ZRANB3: variants seen among roughly 807,000 people sequenced by gnomAD.
The protein encoded by ZRANB3 is DNA annealing helicase and endonuclease ZRANB3.
In ZRANB3, 125 loss-of-function variants were observed where a neutral mutation model predicts 133.8. The observed-to-expected ratio is 0.93, with a 90% CI of 0.81 to 1.08. ZRANB3 has a LOEUF of 1.08. Ranked by LOEUF, ZRANB3 falls within the 50% of genes least tolerant of loss-of-function variation. The pLI is 0.00. For synonymous variants in ZRANB3, 387 were observed against 432.7 expected (o/e 0.89, Z 1.31); for missense variants, 1,229 against 1,275.5 (o/e 0.96, Z 0.56).
chr2:135,334,145 T>C (rs1188060710), intron 6 of ZRANB3, among the ~76,000 whole-genome samples: 2 of 152,192 alleles, frequency 1.3e-5, no homozygotes, highest in African/African-American at 2.4e-5. Flanking sequence ...CTCTAATGCA[T>C]ATCTGATGGC....
chr2:135,370,106 G>T (rs1573988775), intron 3 of ZRANB3, among the ~76,000 whole-genome samples: 1 of 140,376 alleles, frequency 7.1e-6, no homozygotes, highest in Non-Finnish European at 1.5e-5. Context: ...CTATAATTTT[G>T]TGTGTTTTGA....
chr2:135,385,391 A>C (rs1686920212), intron 3 of ZRANB3, among the ~76,000 whole-genome samples: 1 of 152,214 alleles, frequency 6.6e-6, no homozygotes, highest in Non-Finnish European at 1.5e-5. Flanking sequence ...AGGAAGAATC[A>C]ATATTGTGAA....
intron 8 of ZRANB3, among the ~76,000 whole-genome samples, chr2:135,278,949 C>T (rs2104778939): frequency 6.6e-6 from 1 of 151,918 alleles, no homozygotes; most frequent in South Asian, 2.1e-4. Context: ...GAGAGTGGGG[C>T]AATAGGGGAC....
chr2:135,518,870 C>T (rs910546885), intron 1 of ZRANB3, among the ~76,000 whole-genome samples: 1 of 152,102 alleles, frequency 6.6e-6, no homozygotes, highest in African/African-American at 2.4e-5. Flanking sequence ...ATGTTATTTC[C>T]TTGTTTGCTT....
At chr2:135,493,963 G>C (rs139083970) in intron 2 of ZRANB3, among the ~76,000 whole-genome samples, 1,591 of 152,240 alleles carry the variant, frequency 0.01, 26 homozygotes, top group African/African-American at 0.036. Flanking sequence ...TATTGAGTGA[G>C]AGAAGATCCA....
At chr2:135,406,278 G>A (rs1246419976) in intron 2 of ZRANB3, among the ~76,000 whole-genome samples, 1 of 152,134 alleles carries the variant, frequency 6.6e-6, no homozygotes, top group Non-Finnish European at 1.5e-5. Flanking sequence ...CCAGGAAGAA[G>A]TTGAATCTCT....
At chr2:135,226,625 T>C (rs1694770964) in intron 14 of ZRANB3, among the ~76,000 whole-genome samples, 1 of 152,204 alleles carries the variant, frequency 6.6e-6, no homozygotes, top group Non-Finnish European at 1.5e-5. Context: ...CAAGCTAACA[T>C]GTTTTTATCA....
intron 12 of ZRANB3, among the ~76,000 whole-genome samples, chr2:135,233,631 C>T (rs1573724988): frequency 6.6e-6 from 1 of 152,008 alleles, no homozygotes; most frequent in Non-Finnish European, 1.5e-5. Flanking sequence ...ACAGTGGGGG[C>T]CAATATTCAA....
chr2:135,306,992 C>T (rs1682739343), intron 8 of ZRANB3, among the ~76,000 whole-genome samples: 1 of 152,190 alleles, frequency 6.6e-6, no homozygotes, highest in African/African-American at 2.4e-5. Flanking sequence ...TCTCAAACTG[C>T]TGGCATTACA....
chr2:135,371,419 G>T (rs1363430677), intron 3 of ZRANB3, among the ~76,000 whole-genome samples: 2 of 152,124 alleles, frequency 1.3e-5, no homozygotes, highest in African/African-American at 4.8e-5. Flanking sequence ...AATTCCAGGA[G>T]GATGCTTTGT....
chr2:135,223,199 C>T (rs533982565), intron 15 of ZRANB3, among the ~76,000 whole-genome samples: 4 of 150,562 alleles, frequency 2.7e-5, no homozygotes, highest in African/African-American at 4.9e-5. Context: ...TGCAGTGAGC[C>T]GAGATTGCAC....
chr2:135,483,449 G>C (rs1314926231), intron 2 of ZRANB3, among the ~76,000 whole-genome samples: 1 of 152,028 alleles, frequency 6.6e-6, no homozygotes, highest in Non-Finnish European at 1.5e-5. Flanking sequence ...TATTTCTGTG[G>C]GATCAGTGGT....
At chr2:135,435,548 A>G (rs1018448949) in intron 2 of ZRANB3, among the ~76,000 whole-genome samples, 6 of 152,226 alleles carry the variant, frequency 3.9e-5, no homozygotes, top group Non-Finnish European at 8.8e-5. Context: ...TTCTGCTTTT[A>G]GCTCTTTGAG....
intron 6 of ZRANB3, among the ~76,000 whole-genome samples, chr2:135,336,414 A>G (rs1684373097): frequency 6.6e-6 from 1 of 152,248 alleles, no homozygotes; most frequent in African/African-American, 2.4e-5. Flanking sequence ...TTATAGTGTG[A>G]AAATGACACC....
intron 2 of ZRANB3, among the ~76,000 whole-genome samples, chr2:135,481,621 T>G (rs1691815105): frequency 1.3e-5 from 2 of 150,226 alleles, no homozygotes; most frequent in Admixed American, 6.6e-5. Context: ...TTAGTTTAAT[T>G]AGATCCCATT....
At chr2:135,395,023 G>C (rs1262934762) in intron 2 of ZRANB3, among the ~76,000 whole-genome samples, 1 of 150,628 alleles carries the variant, frequency 6.6e-6, no homozygotes, top group Non-Finnish European at 1.5e-5. Flanking sequence ...ACTTATATGG[G>C]ACCACAAAAG....
At chr2:135,392,366 G>C in intron 2 of ZRANB3, among the ~76,000 whole-genome samples, 1 of 116,460 alleles carries the variant, frequency 8.6e-6, no homozygotes, top group African/African-American at 3.1e-5. Context: ...GGGGGGGGGG[G>C]CAGGAAAAAA....
chr2:135,309,961 G>C (rs2104819795), intron 8 of ZRANB3, among the ~76,000 whole-genome samples: 1 of 152,302 alleles, frequency 6.6e-6, no homozygotes. Flanking sequence ...TTTGGAGACA[G>C]AGTCTTGCTC....
intron 6 of ZRANB3, among the ~76,000 whole-genome samples, chr2:135,340,006 A>G (rs976694573): frequency 6.6e-6 from 1 of 151,122 alleles, no homozygotes; most frequent in Admixed American, 6.6e-5. Context: ...GAATTCCTCT[A>G]TGTTTTATTT....
Sources: allele counts gnomAD v4.1 joint callset (sites outside exome capture counted in the v4.1 genomes callset), GRCh38; gene constraint gnomAD v4.1.1; transcripts MANE v1.5; gene names NCBI Gene and HGNC (gene_info 2026-07-23, HGNC 2026-07-21).